SPEF2: variants seen among roughly 807,000 people sequenced by gnomAD.
SPEF2 encodes sperm flagella and cilia-associated protein 2.
Under a neutral mutation model 224.6 loss-of-function variants are expected in SPEF2, and 187 were observed. The ratio of observed to expected loss-of-function variants is 0.83; its 90% CI spans 0.74 to 0.94. The LOEUF (loss-of-function observed/expected upper bound fraction) is 0.94, where lower values mean the gene tolerates loss of function less well. Among genes scored for constraint, SPEF2 ranks in the 40% least tolerant of loss-of-function variants. The pLI, the probability that SPEF2 is intolerant of heterozygous loss-of-function variation, is 0.00. For synonymous variants in SPEF2, 715 were observed against 707.3 expected, an observed-to-expected ratio of 1.01 and a Z score of -0.17; for missense variants, 2,170 against 2,135.6, an observed-to-expected ratio of 1.02 and a Z score of -0.32.
chr5:35,697,965 T>C, intron 15 of SPEF2, 172 bp downstream of exon 15: 1 of 480,870 alleles, frequency 2.1e-6, no homozygotes, highest in Non-Finnish European at 3.6e-6. Context: ...TACGTGCCTA[T>C]ATTCCGCTTC....
intron 8 of SPEF2, among the ~76,000 whole-genome samples, chr5:35,664,944 A>G (rs1259200141): frequency 6.6e-6 from 1 of 152,300 alleles, no homozygotes; most frequent in Admixed American, 6.5e-5. Flanking sequence ...TCTTCCTTTG[A>G]GACAATTGCA....
chr5:35,763,712 G>A lies in SPEF2; in HGVS notation c.3801+10G>A, dbSNP rs899235422. ...AGCAGTATCTCACATGGTAAGCAGT[G>A]CTCGTTATATTTTCTGTTAGTAATA... On this transcript the variant is annotated intron_variant, in intron 26 of 36. Coordinates refer to ENST00000356031, the MANE Select transcript of SPEF2 (RefSeq NM_024867.4). The A allele has an allele frequency of 1.9e-6, 3 of 1,593,130 alleles. No homozygotes were observed. In the African/African-American group the frequency reaches 4.1e-5, roughly 22 times the overall value.
Position 35,727,719 on chromosome 5 carries a change from A to G in SPEF2, c.2959A>G (p.Lys987Glu). Reference protein sequence around the residue: ...KSSGGKVPVKKSPADSTDTSP... With the variant: ...KSSGGKVPVKESPADSTDTSP... ...ATCAGGAGGAAAAGTACCAGTAAAG[A>G]AATCACCTGCTGACTCTACAGATAC... The change falls in exon 21 of 37, where the codon AAA becomes GAA. Residue 987 changes from lysine to glutamate, a missense_variant. Coordinates refer to ENST00000356031, the MANE Select transcript of SPEF2 (RefSeq NM_024867.4). 1 of 1,613,982 alleles carries G rather than the reference A, an allele frequency of 6.2e-7. No homozygotes were observed. Among genetic ancestry groups the G allele is most frequent in the Non-Finnish European group, 8.5e-7 (1 of 1,179,902 alleles).
intron 10 of SPEF2, among the ~76,000 whole-genome samples, chr5:35,688,434 TTTTG>T (rs1753972096): frequency 1.3e-5 from 2 of 152,220 alleles, no homozygotes; most frequent in Admixed American, 1.3e-4. Flanking sequence ...TATTGTTTTA[TTTTG>T]TTTATTTTTC....
rs1459737604 is a variant in SPEF2, at chr5:35,779,273, G to T, written c.4374G>T (p.Lys1458Asn). 1.2e-6 allele frequency: 2 copies of T among 1,613,842 alleles called. No homozygotes were observed. Among genetic ancestry groups the T allele is most frequent in the Non-Finnish European group, 1.7e-6 (2 of 1,179,910 alleles). The change falls in exon 30 of 37, where the codon AAG becomes AAT. Residue 1458 changes from lysine to asparagine, a missense_variant. Coordinates refer to ENST00000356031, the MANE Select transcript of SPEF2 (RefSeq NM_024867.4). ...CAATACGTCCTCCACCTGTAGAAAA[G>T]GAAGAAGATGGTACCCTGACCATTG... is the stretch of plus-strand genomic sequence containing the variant. ...PPSIRPPPVEKEEDGTLTIEQ... is the reference protein window; with the variant it reads ...PPSIRPPPVENEEDGTLTIEQ...
chr5:35,654,680 G>A lies in SPEF2; in HGVS notation c.932G>A (p.Arg311Gln), dbSNP rs375663846. ...GCACGAGAGCAAAGGGAGAAAAGAC[G>A]GCGGAAATTGTTAATGGACCAGTTA... ...AFAREQREKRRRKLLMDQLIA... is the reference protein window; with the variant it reads ...AFAREQREKRQRKLLMDQLIA... Residue 311 changes from arginine to glutamine, a missense_variant, in exon 7 of 37, where the codon CGG becomes CAG. Physicochemically the swap from Arg to Gln is conservative, Grantham distance 43. Transcript: ENST00000356031. The A allele has an allele frequency of 1.2e-5, 20 of 1,611,542 alleles. No individual in the cohort carries two copies. The highest frequency in any genetic ancestry group is 4.5e-5 in the East Asian group (2 of 44,860).
intron 2 of SPEF2, among the ~76,000 whole-genome samples, chr5:35,637,537 T>C (rs1160497693): frequency 6.6e-6 from 1 of 152,158 alleles, no homozygotes; most frequent in African/African-American, 2.4e-5. Context: ...TCTTTCATAA[T>C]CCAGATTATC....
chr5:35,671,116 G>A, intron 10 of SPEF2: 1 of 985,250 alleles, frequency 1.0e-6, no homozygotes, highest in Non-Finnish European at 1.2e-6. Context: ...GTCCCGGAAG[G>A]TCAGTAAGTG....
chr5:35,644,147 TAAG>T (rs1747012362), intron 3 of SPEF2, among the ~76,000 whole-genome samples: 1 of 152,214 alleles, frequency 6.6e-6, no homozygotes, highest in South Asian at 2.1e-4. Flanking sequence ...GGCTATTTTG[TAAG>T]AAGAACCACA....
intron 14 of SPEF2, among the ~76,000 whole-genome samples, chr5:35,696,854 A>G (rs79718557): frequency 0.039 from 5,912 of 152,234 alleles, 162 homozygotes; most frequent in Non-Finnish European, 0.052. Flanking sequence ...GGGAGCCTTA[A>G]GCAGATTGAA....
chr5:35,690,855 G>A (rs559156417), intron 10 of SPEF2, among the ~76,000 whole-genome samples, 182 bp from the exon 11 acceptor site: 101 of 151,844 alleles, frequency 6.7e-4, no homozygotes, highest in Admixed American at 9.2e-4. Flanking sequence ...TATGTAGAAA[G>A]CATTTTTCTG....
intron 24 of SPEF2, among the ~76,000 whole-genome samples, chr5:35,758,466 T>G (rs1181252606): frequency 2.6e-5 from 4 of 152,146 alleles, no homozygotes; most frequent in African/African-American, 4.8e-5. Flanking sequence ...GTGTGAAATC[T>G]CACTATGCAC....
intron 7 of SPEF2, among the ~76,000 whole-genome samples, chr5:35,656,843 G>T (rs1353255): frequency 0.6 from 91,774 of 152,038 alleles, 28,413 homozygotes; most frequent in East Asian, 0.74. Context: ...TTGTGCTGCT[G>T]CTTTTCTGTG....
chr5:35,695,557 T>C (rs1433513288), intron 13 of SPEF2, among the ~76,000 whole-genome samples, 178 bp from the exon 14 acceptor site: 1 of 152,074 alleles, frequency 6.6e-6, no homozygotes, highest in African/African-American at 2.4e-5. Flanking sequence ...AGGATCTTAA[T>C]GGTGTGAGTG....
chr5:35,724,225 A>G (rs1580456037), intron 20 of SPEF2, among the ~76,000 whole-genome samples: 1 of 152,172 alleles, frequency 6.6e-6, no homozygotes, highest in African/African-American at 2.4e-5. Context: ...GGAGAATATT[A>G]TCTACCCTCC....
At chr5:35,656,102 G>T (rs932270093) in intron 7 of SPEF2, among the ~76,000 whole-genome samples, 1 of 152,152 alleles carries the variant, frequency 6.6e-6, no homozygotes, top group African/African-American at 2.4e-5. Flanking sequence ...GGATTTCTAG[G>T]TTGTGCACCT....
At chr5:35,738,374 T>G (rs1278219034) in intron 21 of SPEF2, among the ~76,000 whole-genome samples, 3 of 151,830 alleles carry the variant, frequency 2.0e-5, no homozygotes, top group African/African-American at 7.3e-5. Context: ...TTAATCCATC[T>G]TGAATTAATT....
chr5:35,730,473 G>T (rs916500439), intron 21 of SPEF2, among the ~76,000 whole-genome samples: 1 of 152,262 alleles, frequency 6.6e-6, no homozygotes, highest in African/African-American at 2.4e-5. Flanking sequence ...AGGGCCATGT[G>T]TGCTGAGTTT....
chr5:35,628,939 T>G lies in SPEF2; in HGVS notation c.161+377T>G, dbSNP rs1033188575. On this transcript the variant is annotated intron_variant, in intron 2 of 36. Transcript: ENST00000356031. ...TTCATTTCTTTGGCATTTTCCAAAG[T>G]TAACTTCAAAGAATCATGAATCATA... Among the ~76,000 whole-genome samples the G allele has an allele frequency of 2.6e-4, 40 of 152,162 alleles. 1 individual carries two copies. The highest frequency in any genetic ancestry group is 8.0e-4 in the African/African-American group (33 of 41,506).
Sources: gnomAD v4.1 joint callset for allele counts (sites outside exome capture counted in the v4.1 genomes callset) on GRCh38, gnomAD v4.1.1 for gene constraint, MANE v1.5 for transcripts, NCBI Gene and HGNC (gene_info 2026-07-23, HGNC 2026-07-21) for gene names.